EVA1A: variants seen among roughly 807,000 people sequenced by gnomAD.
The protein encoded by EVA1A is eva-1 homolog A, regulator of programmed cell death, also known as protein eva-1 homolog A.
Under a neutral mutation model 9.8 loss-of-function variants are expected in EVA1A, and 7 were observed. That is an observed-to-expected ratio of 0.71 (90% CI 0.41 to 1.34). The LOEUF (loss-of-function observed/expected upper bound fraction) is 1.34, where lower values mean the gene tolerates loss of function less well. EVA1A is among the 40% of genes most tolerant of loss of function. The pLI, the probability that EVA1A is intolerant of heterozygous loss-of-function variation, is 0.01. For synonymous variants in EVA1A, 90 were observed against 85.6 expected, an observed-to-expected ratio of 1.05 and a Z score of -0.28; for missense variants, 206 against 205.9, an observed-to-expected ratio of 1.00 and a Z score of 0.00.
intron 1 of EVA1A, among the ~76,000 whole-genome samples, chr2:75,541,172 C>A (rs979411043): frequency 6.6e-6 from 1 of 152,190 alleles, no homozygotes; most frequent in Non-Finnish European, 1.5e-5. Context: ...GCTGAGCCAA[C>A]CTGCAGAGCT....
At chr2:75,530,383 T>A (rs1675602002) in intron 1 of EVA1A, among the ~76,000 whole-genome samples, 1 of 152,034 alleles carries the variant, frequency 6.6e-6, no homozygotes, top group Non-Finnish European at 1.5e-5. Flanking sequence ...AAAGAGAGAA[T>A]CCTTTTGAAA....
chr2:75,492,428 AC>A lies in EVA1A; in HGVS notation c.*807del, dbSNP rs1472278209. 3.2e-4 allele frequency: 48 copies of A among 151,540 alleles called. No individual in the cohort carries two copies. The highest frequency in any genetic ancestry group is 1.0e-3 in the African/African-American group (42 of 41,424). The allele number at this position is 151,540 out of a possible 1,614,324, so 9.4% of individuals were successfully genotyped here. Reference sequence around the variant, plus strand: ...AATCCAATTAAAAAAAAAAAAAAAAACAAAGTGTTTAAAATCACAATTATCT... The same window carrying A: ...AATCCAATTAAAAAAAAAAAAAAAAAAAAGTGTTTAAAATCACAATTATCT... On this transcript the variant is annotated 3_prime_UTR_variant, in exon 4 of 4. Transcript: ENST00000393913.
chr2:75,556,465 C>T (rs1360501908), intron 1 of EVA1A, among the ~76,000 whole-genome samples: 1 of 152,206 alleles, frequency 6.6e-6, no homozygotes, highest in Admixed American at 6.5e-5. Flanking sequence ...AGTTTATCTT[C>T]TGTGCCAAGC....
At chr2:75,505,188 T>G (rs1322832331) in intron 3 of EVA1A, among the ~76,000 whole-genome samples, 1 of 152,222 alleles carries the variant, frequency 6.6e-6, no homozygotes, top group Non-Finnish European at 1.5e-5. Flanking sequence ...TTGACACTGA[T>G]GAGGTCAACT....
At chr2:75,512,076 A>C (rs1674838158) in intron 3 of EVA1A, among the ~76,000 whole-genome samples, 1 of 152,128 alleles carries the variant, frequency 6.6e-6, no homozygotes, top group Admixed American at 6.5e-5. Context: ...TGGGGTACCC[A>C]AAGGTGACTT....
At chr2:75,506,152 T>C (rs181095056) in intron 3 of EVA1A, among the ~76,000 whole-genome samples, 39 of 152,370 alleles carry the variant, frequency 2.6e-4, no homozygotes, top group African/African-American at 9.1e-4. Context: ...CAAAAACTCC[T>C]TCCTGCCTTT....
chr2:75,493,104 A>C lies in EVA1A; in HGVS notation c.*132T>G, dbSNP rs1674085243. The C allele has an allele frequency of 6.8e-6, 9 of 1,325,586 alleles. No individual in the cohort carries two copies. The South Asian group carries it at 1.3e-4, about 19-fold the overall frequency. 82.1% of individuals were successfully genotyped at this position (1,325,586 alleles called of 1,614,324 possible). ...AAAGGAGCAATCCTCCTGGCTAGAA[A>C]AGGGGCATGTCCTGCTTTTTCTCTG... On this transcript the variant is annotated 3_prime_UTR_variant, in exon 4 of 4. Coordinates refer to ENST00000393913, the MANE Select transcript of EVA1A (RefSeq NM_001135032.2).
intron 1 of EVA1A, among the ~76,000 whole-genome samples, chr2:75,544,298 C>G (rs1040546154): frequency 8.5e-5 from 13 of 152,174 alleles, no homozygotes. Flanking sequence ...CAGGGACTTC[C>G]CTGGAATGTA....
chr2:75,561,392 T>TC (rs1676918586), upstream of EVA1A: 2 of 135,330 alleles, frequency 1.5e-5, no homozygotes, highest in Admixed American at 1.5e-4. Flanking sequence ...TTTTTTTTTT[T>TC]CTGAGTGGGA....
intron 1 of EVA1A, among the ~76,000 whole-genome samples, chr2:75,554,736 C>G (rs2103978903): frequency 6.6e-6 from 1 of 152,186 alleles, no homozygotes; most frequent in South Asian, 2.1e-4. Context: ...CAGTGCCTGG[C>G]ACCCACCCCA....
At chr2:75,515,271 A>T (rs748005140) in intron 3 of EVA1A, among the ~76,000 whole-genome samples, 1 of 152,190 alleles carries the variant, frequency 6.6e-6, no homozygotes, top group Non-Finnish European at 1.5e-5. Context: ...TGGTAAGCAG[A>T]TATTTACAAT....
intron 3 of EVA1A, among the ~76,000 whole-genome samples, chr2:75,494,435 G>C (rs72912384): frequency 0.035 from 5,341 of 152,236 alleles, 352 homozygotes; most frequent in African/African-American, 0.12. Context: ...CTGTGATTTT[G>C]TCTTGTTCTC....
chr2:75,523,643 A>G (rs1572964802), intron 1 of EVA1A, among the ~76,000 whole-genome samples: 1 of 152,140 alleles, frequency 6.6e-6, no homozygotes, highest in South Asian at 2.1e-4. Context: ...ACAGTGAATC[A>G]TTTCCAGAGA....
intron 3 of EVA1A, among the ~76,000 whole-genome samples, chr2:75,514,100 A>C (rs1318249547): frequency 6.6e-6 from 1 of 152,194 alleles, no homozygotes; most frequent in Non-Finnish European, 1.5e-5. Flanking sequence ...TGGAGGCAAG[A>C]CCACAGCAAA....
rs528366262 is a variant in EVA1A at position 75,498,307 on chromosome 2, C to T, written c.86-4698G>A. Among the ~76,000 whole-genome samples the T allele has an allele frequency of 9.1e-5, 9 of 99,376 alleles. No homozygotes were observed. The South Asian group carries it at 3.1e-3, about 34-fold the overall frequency. The allele number at this position is 99,376 out of a possible 152,430, so 65.2% of individuals were successfully genotyped here. On this transcript the variant is annotated intron_variant, in intron 3 of 3. Coordinates refer to ENST00000393913, the MANE Select transcript of EVA1A (RefSeq NM_001135032.2). ...GTAAACGTGGACATAAAGAAGGGAA[C>T]AATAGACATTAGGGACTATTAGAGG...
chr2:75,544,269 T>C, intron 1 of EVA1A, among the ~76,000 whole-genome samples: 1 of 152,192 alleles, frequency 6.6e-6, no homozygotes, highest in Admixed American at 6.5e-5. Flanking sequence ...CCATGCTCAA[T>C]TAAAGGCCAG....
intron 1 of EVA1A, among the ~76,000 whole-genome samples, chr2:75,545,174 T>C (rs997405793): frequency 4.6e-5 from 7 of 152,182 alleles, no homozygotes; most frequent in Admixed American, 1.3e-4. Context: ...ATTTAATATA[T>C]AGGAAAAACC....
chr2:75,493,502 G>T lies in EVA1A; in HGVS notation c.193C>A (p.Arg65=). 1.2e-6 allele frequency: 2 copies of T among 1,614,216 alleles called. No individual in the cohort carries two copies. The highest frequency in any genetic ancestry group is 1.7e-6 in the Non-Finnish European group (2 of 1,180,038). The change falls in exon 4 of 4, where the codon CGG becomes AGG. Residue 65 remains arginine, a synonymous_variant. Transcript: ENST00000393913. ...TGCAGGAACTTCTTCCCGGGACGCC[G>T]CCTGCAGTCTGTGTGGCAAGAGATC... is the stretch of plus-strand genomic sequence containing the variant. ...IRISCHTDCR[R]RPGKKFLQDR...
chr2:75,507,042 C>T (rs552688285), intron 3 of EVA1A, among the ~76,000 whole-genome samples: 1 of 152,342 alleles, frequency 6.6e-6, no homozygotes, highest in South Asian at 2.1e-4. Context: ...TGTCCTGGAT[C>T]TGTGTTCAAC....
Sources: gnomAD v4.1 joint callset for allele counts (sites outside exome capture counted in the v4.1 genomes callset) on GRCh38, gnomAD v4.1.1 for gene constraint, MANE v1.5 for transcripts, NCBI Gene and HGNC (gene_info 2026-07-23, HGNC 2026-07-21) for gene names.